Variants in KHDRBS2 observed in about 807,000 individuals in gnomAD.
The protein encoded by KHDRBS2 is KH RNA binding domain containing, signal transduction associated 2.
In KHDRBS2, 26 loss-of-function variants were observed where a neutral mutation model predicts 44.3. The observed-to-expected ratio is 0.59, with a 90% CI of 0.43 to 0.81. The LOEUF (loss-of-function observed/expected upper bound fraction) is 0.81, where lower values mean the gene tolerates loss of function less well. Ranked by LOEUF, KHDRBS2 falls within the 40% of genes least tolerant of loss-of-function variation. KHDRBS2 has a pLI of 0.00. For missense variants in KHDRBS2, 476 were observed against 433.1 expected, an observed-to-expected ratio of 1.10 and a Z score of -0.88; for synonymous variants, 194 against 151.1, an observed-to-expected ratio of 1.28 and a Z score of -2.08.
In KHDRBS2 at chr6:61,916,816, G is replaced by A. The variant is rs1401840340; in HGVS notation, c.484-15445C>T. ...TCAGACAAATAGGTCAGGCAAGTAAGTGTATGAAAAGATGCTCAAAATCAT... is the reference window on the plus strand; with the variant it reads ...TCAGACAAATAGGTCAGGCAAGTAAATGTATGAAAAGATGCTCAAAATCAT... On this transcript the variant is annotated intron_variant, in intron 4 of 8. Transcript: ENST00000281156. Among the ~76,000 whole-genome samples, 18 of 151,898 alleles carry A rather than the reference G, an allele frequency of 1.2e-4. No individual in the cohort carries two copies. The Admixed American group carries it at 1.2e-3, about 10-fold the overall frequency.
chr6:61,898,153 G>A (rs1583400119), intron 5 of KHDRBS2, among the ~76,000 whole-genome samples: 2 of 151,884 alleles, frequency 1.3e-5, no homozygotes, highest in Admixed American at 1.3e-4. Flanking sequence ...GAATATAAGT[G>A]TAATTAAATA....
intron 3 of KHDRBS2, among the ~76,000 whole-genome samples, chr6:62,040,039 C>A (rs1484174763): frequency 1.3e-5 from 2 of 152,018 alleles, no homozygotes; most frequent in African/African-American, 4.8e-5. Context: ...TTTTTGATGT[C>A]TAGTATCTCA....
chr6:62,065,201 C>T (rs1793277476), intron 2 of KHDRBS2, among the ~76,000 whole-genome samples: 1 of 151,992 alleles, frequency 6.6e-6, no homozygotes, highest in South Asian at 2.1e-4. Context: ...TAAACTAGTT[C>T]AACCATTGTG....
At chr6:61,950,773 T>A (rs561580812) in intron 4 of KHDRBS2, among the ~76,000 whole-genome samples, 3 of 152,014 alleles carry the variant, frequency 2.0e-5, no homozygotes, top group Non-Finnish European at 4.4e-5. Context: ...AGAATCTGAG[T>A]TCCATTGCCA....
intron 4 of KHDRBS2, among the ~76,000 whole-genome samples, chr6:61,974,828 G>C (rs1469931927): frequency 6.6e-6 from 1 of 151,892 alleles, no homozygotes; most frequent in Admixed American, 6.6e-5. Context: ...CTACTCGGGA[G>C]GCTGAGGCAG....
At chr6:62,055,922 C>T (rs1279042906) in intron 2 of KHDRBS2, among the ~76,000 whole-genome samples, 1 of 151,976 alleles carries the variant, frequency 6.6e-6, no homozygotes, top group African/African-American at 2.4e-5. Context: ...TCCACAAATT[C>T]CCAGTTCTTG....
chr6:61,794,082 A>G (rs749964439), intron 6 of KHDRBS2, among the ~76,000 whole-genome samples: 3 of 152,238 alleles, frequency 2.0e-5, no homozygotes, highest in Non-Finnish European at 4.4e-5. Context: ...AAACAAGATT[A>G]TAAAACAATA....
At chr6:61,786,581 A>G (rs1360676963) in intron 6 of KHDRBS2, among the ~76,000 whole-genome samples, 1 of 152,030 alleles carries the variant, frequency 6.6e-6, no homozygotes, top group Non-Finnish European at 1.5e-5. Flanking sequence ...TAACTATGGA[A>G]TCTGAAGTGA....
At chr6:62,236,949 C>T (rs1833802767) in intron 1 of KHDRBS2, among the ~76,000 whole-genome samples, 1 of 152,102 alleles carries the variant, frequency 6.6e-6, no homozygotes, top group African/African-American at 2.4e-5. Flanking sequence ...AAGTTTCACA[C>T]TATCAAAAGA....
chr6:62,181,079 G>A (rs1585091048), intron 1 of KHDRBS2, among the ~76,000 whole-genome samples: 2 of 150,236 alleles, frequency 1.3e-5, no homozygotes, highest in South Asian at 4.2e-4. Flanking sequence ...CATAAGACCA[G>A]AAATTGTAAG....
chr6:61,823,578 A>C (rs1252108700), intron 6 of KHDRBS2, among the ~76,000 whole-genome samples: 4 of 152,102 alleles, frequency 2.6e-5, no homozygotes, highest in Non-Finnish European at 1.5e-5. Flanking sequence ...TCAGAACATG[A>C]TACTCATTAT....
intron 6 of KHDRBS2, among the ~76,000 whole-genome samples, chr6:61,854,643 T>C (rs1795907097): frequency 6.6e-6 from 1 of 152,196 alleles, no homozygotes; most frequent in Non-Finnish European, 1.5e-5. Flanking sequence ...TTGATCTTTA[T>C]CATTTTAAGA....
chr6:61,646,658 T>G, the KHDRBS2 span, among the ~76,000 whole-genome samples: 1 of 152,130 alleles, frequency 6.6e-6, no homozygotes, highest in African/African-American at 2.4e-5. Flanking sequence ...GAAAAGTCCT[T>G]GGAGTTCCCC....
intron 2 of KHDRBS2, among the ~76,000 whole-genome samples, chr6:62,072,243 T>C (rs1379911131): frequency 6.6e-6 from 1 of 152,184 alleles, no homozygotes. Flanking sequence ...GATTTTGGGC[T>C]GAGACGATGG....
At chr6:61,603,158 C>T in the KHDRBS2 span, among the ~76,000 whole-genome samples, 1 of 152,118 alleles carries the variant, frequency 6.6e-6, no homozygotes, top group African/African-American at 2.4e-5. Context: ...ACAGCATGGC[C>T]TTTTAAAGCC....
the KHDRBS2 span, among the ~76,000 whole-genome samples, chr6:61,611,505 T>C: frequency 6.6e-6 from 1 of 152,196 alleles, no homozygotes; most frequent in Non-Finnish European, 1.5e-5. Flanking sequence ...TTAAGTTTTA[T>C]CTCCTCTACT....
At chr6:61,743,065 A>C (rs116677599) in intron 6 of KHDRBS2, among the ~76,000 whole-genome samples, 3,783 of 152,220 alleles carry the variant, frequency 0.025, 86 homozygotes, top group Middle Eastern at 0.082. Flanking sequence ...GGGGAGGCTA[A>C]TGCTAACTTT....
the KHDRBS2 span, among the ~76,000 whole-genome samples, chr6:61,546,745 C>T: frequency 1.7e-4 from 26 of 152,140 alleles, no homozygotes; most frequent in South Asian, 3.3e-3. Flanking sequence ...ATGAGGAGCA[C>T]CTCCTACCAC....
chr6:62,247,685 C>T (rs1429990429), intron 1 of KHDRBS2, among the ~76,000 whole-genome samples: 1 of 151,932 alleles, frequency 6.6e-6, no homozygotes, highest in African/African-American at 2.4e-5. Context: ...ATGATGGCTC[C>T]TACTTCCCGG....
Sources: allele counts gnomAD v4.1 joint callset (sites outside exome capture counted in the v4.1 genomes callset), GRCh38; gene constraint gnomAD v4.1.1; transcripts MANE v1.5; gene names NCBI Gene and HGNC (gene_info 2026-07-23, HGNC 2026-07-21).